PIK3C2G: variants seen among roughly 807,000 people sequenced by gnomAD.
The protein encoded by PIK3C2G is phosphatidylinositol 3-kinase C2 domain-containing subunit gamma.
In PIK3C2G, 168 loss-of-function variants were observed where a neutral mutation model predicts 181.1. That is an observed-to-expected ratio of 0.93 (90% CI 0.82 to 1.05). PIK3C2G has a LOEUF of 1.05. Ranked by LOEUF, PIK3C2G falls within the 50% of genes least tolerant of loss-of-function variation. The pLI is 0.00. For missense variants in PIK3C2G, 1,869 were observed against 1,732.8 expected, an observed-to-expected ratio of 1.08 and a Z score of -1.40; for synonymous variants, 573 against 592.2, an observed-to-expected ratio of 0.97 and a Z score of 0.47.
chr12:18,375,543 G>A (rs774822980), intron 13 of PIK3C2G, among the ~76,000 whole-genome samples: 3 of 152,226 alleles, frequency 2.0e-5, no homozygotes, highest in Non-Finnish European at 2.9e-5. Context: ...TGGAAAATTT[G>A]CTGCCTGGCC....
Position 18,462,364 on chromosome 12 carries a change from T to C in PIK3C2G, c.2505-26085T>C, listed in dbSNP as rs1020052186. Among the ~76,000 whole-genome samples the C allele has an allele frequency of 7.2e-5, 11 of 152,264 alleles. No individual in the cohort carries two copies. The South Asian group carries it at 1.0e-3, about 14-fold the overall frequency. Reference sequence around the variant, plus strand: ...AAAAACAACCCTTTTATAAAAGATATAGCTAATGCACTTCAGAGCACCATA... The same window carrying C: ...AAAAACAACCCTTTTATAAAAGATACAGCTAATGCACTTCAGAGCACCATA... On this transcript the variant is annotated intron_variant, in intron 18 of 32. Transcript: ENST00000538779.
intron 18 of PIK3C2G, among the ~76,000 whole-genome samples, chr12:18,455,065 T>C (rs1424831467): frequency 1.3e-5 from 2 of 152,198 alleles, no homozygotes; most frequent in African/African-American, 2.4e-5. Flanking sequence ...AAGTGATTGC[T>C]GGCAGCATTT....
chr12:18,429,089 T>C (rs1946005852), intron 18 of PIK3C2G, among the ~76,000 whole-genome samples: 1 of 152,064 alleles, frequency 6.6e-6, no homozygotes, highest in Non-Finnish European at 1.5e-5. Context: ...TTAAAGATCT[T>C]GAGATTAGTT....
chr12:18,712,849 G>A, the PIK3C2G span: 10 of 1,613,528 alleles, frequency 6.2e-6, no homozygotes, highest in Non-Finnish European at 8.5e-6. Context: ...TACCATGAAT[G>A]CATACTTGTG....
At chr12:18,607,842 C>T (rs1419934346) in intron 30 of PIK3C2G, among the ~76,000 whole-genome samples, 4 of 152,062 alleles carry the variant, frequency 2.6e-5, no homozygotes, top group African/African-American at 9.7e-5. Context: ...TGAACTCAAA[C>T]AAATTTACAA....
At chr12:18,457,996 T>A (rs973540559) in intron 18 of PIK3C2G, among the ~76,000 whole-genome samples, 4 of 152,174 alleles carry the variant, frequency 2.6e-5, no homozygotes, top group African/African-American at 9.7e-5. Flanking sequence ...TTAAAGAAAC[T>A]AATTAACATT....
At chr12:18,599,216 T>C (rs946906689) in intron 30 of PIK3C2G, among the ~76,000 whole-genome samples, 2 of 152,134 alleles carry the variant, frequency 1.3e-5, no homozygotes, top group Non-Finnish European at 2.9e-5. Flanking sequence ...TATTGCGGCA[T>C]TATTCACAAT....
At chr12:18,514,368 G>A (rs1009665813) in intron 24 of PIK3C2G, among the ~76,000 whole-genome samples, 2 of 151,670 alleles carry the variant, frequency 1.3e-5, no homozygotes, top group African/African-American at 4.8e-5. Context: ...TTTCTTTATT[G>A]ATTTTATTTC....
intron 31 of PIK3C2G, among the ~76,000 whole-genome samples, chr12:18,613,454 A>T (rs1948444332): frequency 6.6e-6 from 1 of 152,086 alleles, no homozygotes; most frequent in Non-Finnish European, 1.5e-5. Flanking sequence ...AGTAGAGTCA[A>T]ACACAAGAAC....
At chr12:18,266,314 A>G (rs1948496684) in intron 1 of PIK3C2G, among the ~76,000 whole-genome samples, 1 of 152,168 alleles carries the variant, frequency 6.6e-6, no homozygotes, top group Admixed American at 6.6e-5. Context: ...ATATATATGA[A>G]CTTTTAAAAA....
intron 7 of PIK3C2G, among the ~76,000 whole-genome samples, chr12:18,322,032 C>T (rs1951134351): frequency 6.6e-6 from 1 of 152,118 alleles, no homozygotes; most frequent in Non-Finnish European, 1.5e-5. Flanking sequence ...ACCACCATTG[C>T]GCACGTTTAC....
At chr12:18,292,664 G>A (rs1037580006) in intron 4 of PIK3C2G, among the ~76,000 whole-genome samples, 1 of 152,166 alleles carries the variant, frequency 6.6e-6, no homozygotes, top group East Asian at 1.9e-4. Context: ...ATGTGAATAT[G>A]AGAAGACAAA....
intron 30 of PIK3C2G, among the ~76,000 whole-genome samples, chr12:18,606,106 T>A (rs1249591478): frequency 1.3e-5 from 2 of 152,176 alleles, no homozygotes; most frequent in Non-Finnish European, 2.9e-5. Flanking sequence ...GTGTGAGTTT[T>A]CACTGGGTTC....
rs1295995933 is a variant in PIK3C2G at position 18,409,601 on chromosome 12, T to C, written c.2315+9754T>C. On this transcript the variant is annotated intron_variant, in intron 16 of 32. Coordinates refer to ENST00000538779, the MANE Select transcript of PIK3C2G (RefSeq NM_001288772.2). ...CTGTTAGGAAGCAATGGAAGTAGTTTAGGTGTCAGAGAATGGCAGTCATCC... is the reference window on the plus strand; with the variant it reads ...CTGTTAGGAAGCAATGGAAGTAGTTCAGGTGTCAGAGAATGGCAGTCATCC... Among the ~76,000 whole-genome samples the C allele has an allele frequency of 2.0e-5, 3 of 152,050 alleles. No individual in the cohort carries two copies. In the East Asian group the frequency reaches 5.8e-4, roughly 29 times the overall value.
the PIK3C2G span, among the ~76,000 whole-genome samples, chr12:18,687,644 G>T: frequency 2.0e-5 from 3 of 151,996 alleles, no homozygotes; most frequent in Non-Finnish European, 2.9e-5. Flanking sequence ...GGCTTCTATG[G>T]CATCCTTAGC....
chr12:18,560,123 A>T (rs910982148), intron 26 of PIK3C2G, among the ~76,000 whole-genome samples: 6 of 151,494 alleles, frequency 4.0e-5, no homozygotes, highest in African/African-American at 1.5e-4. Flanking sequence ...GAGCCACCGC[A>T]CCTGGCCAAA....
intron 25 of PIK3C2G, among the ~76,000 whole-genome samples, chr12:18,543,026 G>A (rs371458587): frequency 2.0e-5 from 3 of 151,834 alleles, no homozygotes; most frequent in South Asian, 2.1e-4. Context: ...AAGTGTTCCC[G>A]TTTCTCTGCA....
chr12:18,271,626 C>A (rs1591793465), intron 1 of PIK3C2G, among the ~76,000 whole-genome samples: 1 of 152,158 alleles, frequency 6.6e-6, no homozygotes, highest in African/African-American at 2.4e-5. Context: ...TCTCCTACCT[C>A]TCAGACTATT....
In PIK3C2G at chr12:18,594,576, A is replaced by C. The variant is rs778323074; in HGVS notation, c.4087+7A>C. ...TCATCACCTGTGTACCTAGGTAAGT[A>C]AATTTGTCATTATATTACGTACAGT... On this transcript the variant is annotated splice_region_variant and intron_variant, in intron 30 of 32. Transcript: ENST00000538779. The C allele has an allele frequency of 6.9e-7, 1 of 1,447,608 alleles. No individual in the cohort carries two copies. Among genetic ancestry groups the C allele is most frequent in the East Asian group, 2.5e-5 (1 of 39,574 alleles). 89.7% of individuals were successfully genotyped at this position (1,447,608 alleles called of 1,614,324 possible). A position where few individuals can be genotyped will look rare whatever the true frequency, so the allele number is the denominator to read the frequency against.
Sources: allele counts gnomAD v4.1 joint callset (sites outside exome capture counted in the v4.1 genomes callset), GRCh38; gene constraint gnomAD v4.1.1; transcripts MANE v1.5; gene names NCBI Gene and HGNC (gene_info 2026-07-23, HGNC 2026-07-21).